NXPE2: variants seen among roughly 807,000 people sequenced by gnomAD.
NXPE2 encodes the protein neurexophilin and PC-esterase domain family member 2, also known as NXPE family member 2.
NXPE2 carries 34 observed loss-of-function variants against 34.4 expected under a neutral mutation model. The ratio of observed to expected loss-of-function variants is 0.99; its 90% CI spans 0.75 to 1.31. NXPE2 has a LOEUF of 1.31. Among genes scored for constraint, NXPE2 ranks in the 40% most tolerant of loss-of-function variants. The pLI is 0.00. For missense variants in NXPE2, 649 were observed against 672.5 expected (o/e 0.97, Z 0.39); for synonymous variants, 235 against 231.3 (o/e 1.02, Z -0.15).
chr11:114,518,826 G>A, the NXPE2 span, among the ~76,000 whole-genome samples: 2 of 152,192 alleles, frequency 1.3e-5, no homozygotes, highest in South Asian at 4.1e-4. Flanking sequence ...TGGATACAAG[G>A]TGAGAGAACT....
the NXPE2 span, among the ~76,000 whole-genome samples, chr11:114,605,946 G>T: frequency 6.6e-6 from 1 of 151,734 alleles, no homozygotes; most frequent in African/African-American, 2.4e-5. Flanking sequence ...CTGTTACCTG[G>T]TGGATAATAA....
the NXPE2 span, among the ~76,000 whole-genome samples, chr11:114,635,326 C>G: frequency 8.3e-4 from 125 of 150,066 alleles, 2 homozygotes; most frequent in South Asian, 6.4e-4. Context: ...TATCCTGAGA[C>G]TTTGCTGAAG....
the NXPE2 span, among the ~76,000 whole-genome samples, chr11:114,599,254 T>A: frequency 6.6e-6 from 1 of 152,134 alleles, no homozygotes; most frequent in African/African-American, 2.4e-5. Flanking sequence ...AAACTGACCT[T>A]TACTCCGATT....
At chr11:114,611,058 T>C in the NXPE2 span, among the ~76,000 whole-genome samples, 1 of 151,688 alleles carries the variant, frequency 6.6e-6, no homozygotes, top group Non-Finnish European at 1.5e-5. Context: ...TGTTGCGTCA[T>C]GGGTAACCAC....
At chr11:114,588,443 T>C in the NXPE2 span, among the ~76,000 whole-genome samples, 1 of 152,276 alleles carries the variant, frequency 6.6e-6, no homozygotes, top group Admixed American at 6.5e-5. Flanking sequence ...GTTATGCTGC[T>C]CCTAAGCCAA....
chr11:114,718,847 T>C, the NXPE2 span, among the ~76,000 whole-genome samples: 1 of 152,200 alleles, frequency 6.6e-6, no homozygotes, highest in Admixed American at 6.5e-5. Flanking sequence ...TGAATGTTGG[T>C]GTCTCCCTAA....
the NXPE2 span, among the ~76,000 whole-genome samples, chr11:114,719,614 T>C: frequency 6.6e-6 from 1 of 152,252 alleles, no homozygotes; most frequent in East Asian, 1.9e-4. Flanking sequence ...AGTCACAGAC[T>C]TTGCTTCTCC....
the NXPE2 span, among the ~76,000 whole-genome samples, chr11:114,562,737 AT>A: frequency 6.6e-6 from 1 of 152,226 alleles, no homozygotes; most frequent in Admixed American, 6.5e-5. Context: ...TTAATGACTC[AT>A]ATGAGTGGGA....
the NXPE2 span, among the ~76,000 whole-genome samples, chr11:114,625,083 AC>A: frequency 6.6e-6 from 1 of 152,146 alleles, no homozygotes; most frequent in Non-Finnish European, 1.5e-5. Flanking sequence ...GTGGGTAACC[AC>A]CATTACCTGG....
chr11:114,705,015 T>A (rs191282848), intron 4 of NXPE2, among the ~76,000 whole-genome samples: 151 of 152,344 alleles, frequency 9.9e-4, no homozygotes, highest in Admixed American at 8.2e-3. Context: ...CAAATGTAAG[T>A]TCCTCAATGT....
At chr11:114,536,196 G>A in the NXPE2 span, among the ~76,000 whole-genome samples, 4 of 152,202 alleles carry the variant, frequency 2.6e-5, no homozygotes, top group African/African-American at 9.7e-5. Context: ...GGTACATAAT[G>A]AAATGAAGGC....
the NXPE2 span, among the ~76,000 whole-genome samples, chr11:114,477,344 T>C: frequency 6.6e-6 from 1 of 152,220 alleles, no homozygotes; most frequent in South Asian, 2.1e-4. Flanking sequence ...ATTGTTAAGA[T>C]ATTAGATATT....
At chr11:114,725,976 A>ATATATATATATATAT in the NXPE2 span, among the ~76,000 whole-genome samples, 67 of 101,734 alleles carry the variant, frequency 6.6e-4, 1 homozygote, top group East Asian at 4.7e-3. Context: ...ATAAAAAAAA[A>ATATATATATATATAT]ATATATATAT....
the NXPE2 span, chr11:114,521,512 A>G: frequency 6.5e-6 from 1 of 154,440 alleles, no homozygotes; most frequent in East Asian, 1.9e-4. Flanking sequence ...CAGTCCTGGA[A>G]TCAGCCTTCC....
chr11:114,796,083 G>A, the NXPE2 span, among the ~76,000 whole-genome samples: 2 of 152,160 alleles, frequency 1.3e-5, no homozygotes, highest in Admixed American at 1.3e-4. Context: ...TTGATGCCTT[G>A]TTCTGTCCAA....
At chr11:114,589,016 G>T in the NXPE2 span, among the ~76,000 whole-genome samples, 1 of 152,204 alleles carries the variant, frequency 6.6e-6, no homozygotes, top group African/African-American at 2.4e-5. Flanking sequence ...AAACACAAGA[G>T]AAGGACTGAG....
chr11:114,784,513 T>TCTTTATACCTTTGTGTGGATTTC, the NXPE2 span, among the ~76,000 whole-genome samples: 1 of 152,186 alleles, frequency 6.6e-6, no homozygotes, highest in African/African-American at 2.4e-5. Flanking sequence ...ATGGATCAGC[T>TCTTTATACCTTTGTGTGGATTTC]CTTTATACCT....
the NXPE2 span, among the ~76,000 whole-genome samples, chr11:114,650,285 T>C: frequency 1.3e-5 from 2 of 152,212 alleles, no homozygotes; most frequent in Admixed American, 6.5e-5. Flanking sequence ...AGAATAAAAA[T>C]GAATTGTTAA....
At chr11:114,662,463 A>T in the NXPE2 span, among the ~76,000 whole-genome samples, 2 of 152,246 alleles carry the variant, frequency 1.3e-5, no homozygotes, top group Admixed American at 1.3e-4. Flanking sequence ...AAGACAGTCT[A>T]GGCCACAAGG....
Sources: gnomAD v4.1 joint callset for allele counts (sites outside exome capture counted in the v4.1 genomes callset) on GRCh38, gnomAD v4.1.1 for gene constraint, MANE v1.5 for transcripts, NCBI Gene and HGNC (gene_info 2026-07-23, HGNC 2026-07-21) for gene names.